The following PHLPP2 variants were observed in gnomAD, a reference collection of about 807,000 sequenced individuals.
The protein encoded by PHLPP2 is PH domain and leucine rich repeat protein phosphatase 2, also known as PH domain leucine-rich repeat-containing protein phosphatase 2.
A neutral mutation model predicts 124.9 loss-of-function variants in PHLPP2; 66 were observed. The ratio of observed to expected loss-of-function variants is 0.53; its 90% CI spans 0.43 to 0.65. PHLPP2 has a LOEUF of 0.65. Among genes scored for constraint, PHLPP2 ranks in the 30% least tolerant of loss-of-function variants. PHLPP2 has a pLI of 0.00. For missense variants in PHLPP2, 1,685 were observed against 1,600.4 expected, an observed-to-expected ratio of 1.05 and a Z score of -0.90; for synonymous variants, 681 against 624.7, an observed-to-expected ratio of 1.09 and a Z score of -1.34.
intron 3 of PHLPP2, among the ~76,000 whole-genome samples, chr16:71,695,637 G>T (rs1047578428): frequency 1.1e-4 from 17 of 151,976 alleles, no homozygotes; most frequent in Admixed American, 1.3e-4. Context: ...TTGAACCTGG[G>T]GGGTGGAGGT....
chr16:71,659,542 C>T (rs1291571251), intron 13 of PHLPP2, among the ~76,000 whole-genome samples: 1 of 152,198 alleles, frequency 6.6e-6, no homozygotes, highest in Admixed American at 6.5e-5. Flanking sequence ...TGAGCCACCG[C>T]ACCCGGCCCA....
At chr16:71,676,173 T>C (rs1260692070) in intron 9 of PHLPP2, among the ~76,000 whole-genome samples, 3 of 152,210 alleles carry the variant, frequency 2.0e-5, no homozygotes, top group Admixed American at 6.5e-5. Flanking sequence ...ATGCTCTGTT[T>C]TGAACATGCT....
chr16:71,651,283 A>G (rs2044694407), intron 18 of PHLPP2, among the ~76,000 whole-genome samples: 1 of 152,044 alleles, frequency 6.6e-6, no homozygotes. Context: ...GATTGTGGTG[A>G]GCCAAGATCA....
chr16:71,704,307 C>CAAAA (rs56882820), intron 2 of PHLPP2, among the ~76,000 whole-genome samples: 12 of 98,652 alleles, frequency 1.2e-4, no homozygotes, highest in African/African-American at 5.0e-4. Flanking sequence ...GACTCTGTCT[C>CAAAA]AAAAAAAAAA....
intron 2 of PHLPP2, among the ~76,000 whole-genome samples, chr16:71,713,823 A>G (rs2045339164): frequency 6.6e-6 from 1 of 152,040 alleles, no homozygotes; most frequent in Non-Finnish European, 1.5e-5. Context: ...GAAGCTGGTA[A>G]TAACTATCAA....
At chr16:71,694,848 G>C (rs545165943) in intron 3 of PHLPP2, among the ~76,000 whole-genome samples, 1 of 151,746 alleles carries the variant, frequency 6.6e-6, no homozygotes, top group African/African-American at 2.4e-5. Context: ...GCAGTGGCTC[G>C]ATCTTGGCTC....
chr16:71,706,946 ATTTTTTTTTTTTTTT>A (rs66510124), intron 2 of PHLPP2, among the ~76,000 whole-genome samples: 2 of 71,230 alleles, frequency 2.8e-5, no homozygotes, highest in African/African-American at 5.4e-5. Flanking sequence ...AAGATACACC[ATTTTTTTTTTTTTTT>A]TTTTTTTTTT....
intron 1 of PHLPP2, among the ~76,000 whole-genome samples, chr16:71,719,536 T>C (rs2045384279): frequency 6.6e-6 from 1 of 152,126 alleles, no homozygotes; most frequent in Non-Finnish European, 1.5e-5. Flanking sequence ...TGAGGCTATC[T>C]CTCTAAAAAG....
At chr16:71,653,099 CTTTT>C (rs11298836) in intron 17 of PHLPP2, 78 bp from the exon 18 acceptor site, 9,383 of 527,668 alleles carry the variant, frequency 0.018, no homozygotes, top group East Asian at 0.025. Flanking sequence ...TACATCCCTT[CTTTT>C]TTTTTTTTTT....
In PHLPP2 at chr16:71,667,174, T is replaced by C; in HGVS notation, c.1784+4A>G. On this transcript the variant is annotated splice_donor_region_variant and intron_variant, in intron 12 of 18. Transcript: ENST00000568954. Reference sequence around the variant, plus strand: ...TCTTCCGAAAAAAATCCTATGATACTTACTTTAAGGCCTTGGAGAAGAGGG... The same window carrying C: ...TCTTCCGAAAAAAATCCTATGATACCTACTTTAAGGCCTTGGAGAAGAGGG... 6.2e-7 allele frequency: 1 copy of C among 1,607,348 alleles called. No homozygotes were observed. The highest frequency in any genetic ancestry group is 8.5e-7 in the Non-Finnish European group (1 of 1,177,258).
At chr16:71,700,095 A>G (rs2045215237) in intron 3 of PHLPP2, among the ~76,000 whole-genome samples, 1 of 152,178 alleles carries the variant, frequency 6.6e-6, no homozygotes, top group South Asian at 2.1e-4. Context: ...AATATCCTGC[A>G]TCAGTTTTAT....
At chr16:71,664,940 A>G (rs2044825651) in intron 12 of PHLPP2, among the ~76,000 whole-genome samples, 1 of 152,208 alleles carries the variant, frequency 6.6e-6, no homozygotes, top group African/African-American at 2.4e-5. Flanking sequence ...TAAAAACAGA[A>G]TTTGTGGGAT....
chr16:71,655,529 G>A, intron 16 of PHLPP2, 95 bp from the exon 17 acceptor site: 1 of 825,898 alleles, frequency 1.2e-6, no homozygotes, highest in South Asian at 1.8e-5. Flanking sequence ...TTGAGAGGGA[G>A]TCTTGCACTG....
chr16:71,692,071 C>T (rs1038041820), intron 3 of PHLPP2, among the ~76,000 whole-genome samples: 1 of 151,876 alleles, frequency 6.6e-6, no homozygotes, highest in South Asian at 2.1e-4. Flanking sequence ...GGTATTATTA[C>T]ATAATTTTTT....
chr16:71,653,094 C>A, intron 17 of PHLPP2, 73 bp from the exon 18 acceptor site: 1 of 739,704 alleles, frequency 1.4e-6, no homozygotes, highest in Non-Finnish European at 2.1e-6. Context: ...GCACGTACAT[C>A]CCTTCTTTTT....
At chr16:71,685,241 C>T (rs1466295036) in intron 4 of PHLPP2, among the ~76,000 whole-genome samples, 1 of 152,080 alleles carries the variant, frequency 6.6e-6, no homozygotes, top group Admixed American at 6.6e-5. Context: ...GCAGGAGAAT[C>T]GCTTGAACCC....
At chr16:71,718,939 T>C (rs1444116569) in intron 1 of PHLPP2, among the ~76,000 whole-genome samples, 1 of 152,228 alleles carries the variant, frequency 6.6e-6, no homozygotes, top group Non-Finnish European at 1.5e-5. Context: ...ATGGACTGTT[T>C]AGCTGTTATT....
At position 71,648,989 on chromosome 16, in the gene PHLPP2, C is replaced by T; in HGVS notation, c.3873G>A (p.Val1291=). ...CCTGGTGCTGTTTCATTTGTTCCTT[C>T]ACTTCTTCTTCCAGGTCATGAGGCA... ...FVVPHDLEEE[V]KEQMKQHQDS... The change falls in exon 19 of 19, where the codon GTG becomes GTA. Residue 1291 remains valine (V), a synonymous_variant. Coordinates refer to ENST00000568954, the MANE Select transcript of PHLPP2 (RefSeq NM_015020.3). 1 of 1,614,088 alleles carries T rather than the reference C, an allele frequency of 6.2e-7. No individual in the cohort carries two copies. Among genetic ancestry groups the T allele is most frequent in the Non-Finnish European group, 8.5e-7 (1 of 1,179,996 alleles).
At chr16:71,659,526 T>C (rs562716098) in intron 13 of PHLPP2, among the ~76,000 whole-genome samples, 196 of 152,238 alleles carry the variant, frequency 1.3e-3, no homozygotes, top group Middle Eastern at 3.4e-3. Context: ...GCTGGTATTA[T>C]AGGCATGAGC....
Sources: allele counts gnomAD v4.1 joint callset (sites outside exome capture counted in the v4.1 genomes callset), GRCh38; gene constraint gnomAD v4.1.1; transcripts MANE v1.5; gene names NCBI Gene and HGNC (gene_info 2026-07-23, HGNC 2026-07-21).